C19orf12: variants seen among roughly 807,000 people sequenced by gnomAD.
C19orf12 encodes protein C19orf12.
A neutral mutation model predicts 3.8 loss-of-function variants in C19orf12; 2 were observed. The observed-to-expected ratio is 0.53, with a 90% CI of 0.22 to 1.66. C19orf12 has a LOEUF of 1.66. C19orf12 is among the 40% of genes most tolerant of loss of function. The pLI is 0.20. For synonymous variants in C19orf12, 89 were observed against 84.6 expected (o/e 1.05, Z -0.28); for missense variants, 156 against 188.8 (o/e 0.83, Z 1.02).
At chr19:29,708,575 C>G (rs935327094) in intron 1 of C19orf12, 152 bp from the exon 2 acceptor site, 7 of 940,824 alleles carry the variant, frequency 7.4e-6, no homozygotes, top group Non-Finnish European at 1.2e-5. Context: ...AGCATCCAGA[C>G]GGTGGAAAGT....
Position 29,702,371 on chromosome 19 carries a change from C to A in C19orf12, c.*341G>T, listed in dbSNP as rs528052606. 4.6e-5 allele frequency: 24 copies of A among 519,654 alleles called. No individual in the cohort carries two copies. The highest frequency in any genetic ancestry group is 3.5e-4 in the South Asian group (23 of 65,032). 32.2% of individuals were successfully genotyped at this position (519,654 alleles called of 1,614,324 possible). On this transcript the variant is annotated 3_prime_UTR_variant, in exon 3 of 3. Transcript: ENST00000323670. ...GGAGGATGAAGTGTGGTCAGACCGT[C>A]GGCTGAGCGTGATCACTTCCCCAGA...
intron 2 of C19orf12, chr19:29,705,402 CAAAAAAAA>C (rs34101444): frequency 8.6e-4 from 95 of 110,860 alleles, no homozygotes; most frequent in Middle Eastern, 9.3e-3. Flanking sequence ...ATCCTGAAAC[CAAAAAAAA>C]AAAAAAAAAA....
chr19:29,715,448 G>C, upstream of C19orf12: 1 of 402,388 alleles, frequency 2.5e-6, no homozygotes, highest in Non-Finnish European at 5.0e-6. Context: ...TGCGGGTGGC[G>C]TAAGGAGACG....
chr19:29,710,727 T>G (rs1214511694), intron 1 of C19orf12, among the ~76,000 whole-genome samples: 1 of 152,202 alleles, frequency 6.6e-6, no homozygotes, highest in Non-Finnish European at 1.5e-5. Flanking sequence ...CCCTGTGCCC[T>G]GGGTCTCCCA....
intron 1 of C19orf12, among the ~76,000 whole-genome samples, chr19:29,709,323 A>C (rs1972546846): frequency 1.3e-5 from 2 of 152,174 alleles, no homozygotes; most frequent in African/African-American, 2.4e-5. Flanking sequence ...GGGCAGGGAG[A>C]GACGGGCTCT....
At position 29,715,259 on chromosome 19, in the gene C19orf12, G is replaced by A. The variant is rs750497006; in HGVS notation, c.-145C>T. On this transcript the variant is annotated 5_prime_UTR_variant, in exon 1 of 3. Coordinates refer to ENST00000323670, the MANE Select transcript of C19orf12 (RefSeq NM_031448.6). ...CGCAGGCCTTGGTGGCGGCCCCGGC[G>A]CTGGCCCCGCCCTCCGTCCCACCTT... 2 of 386,988 alleles carry A rather than the reference G, an allele frequency of 5.2e-6. No individual in the cohort carries two copies. The highest frequency in any genetic ancestry group is 3.6e-5 in the Admixed American group (1 of 27,450). 24.0% of individuals were successfully genotyped at this position (386,988 alleles called of 1,614,324 possible).
chr19:29,699,921 GA>G lies in C19orf12; in HGVS notation c.*2790del, dbSNP rs35730141. ...CGCTTGATTTCCTGGGGGAAATCAA[GA>G]AAAGTGCTTTCGGCTCCTGGGGGAG... is the stretch of plus-strand genomic sequence containing the variant. On this transcript the variant is annotated 3_prime_UTR_variant, in exon 3 of 3. Transcript: ENST00000323670. 1 of 453,906 alleles carries G rather than the reference GA, an allele frequency of 2.2e-6. No individual in the cohort carries two copies. 28.1% of individuals were successfully genotyped at this position (453,906 alleles called of 1,614,324 possible).
intron 1 of C19orf12, among the ~76,000 whole-genome samples, chr19:29,709,995 C>CTGAGTAGT (rs1174739640): frequency 6.6e-6 from 1 of 152,120 alleles, no homozygotes. Flanking sequence ...CCTCAGTCTC[C>CTGAGTAGT]TGAGTAGCTG....
rs987797017 is a variant in C19orf12, at chr19:29,700,207, A to C, written c.*2505T>G. 12 of 454,000 alleles carry C rather than the reference A, an allele frequency of 2.6e-5. No individual in the cohort carries two copies. The highest frequency in any genetic ancestry group is 2.4e-4 in the African/African-American group (12 of 50,016). The allele number at this position is 454,000 out of a possible 1,614,324, so 28.1% of individuals were successfully genotyped here. On this transcript the variant is annotated 3_prime_UTR_variant, in exon 3 of 3. Coordinates refer to ENST00000323670, the MANE Select transcript of C19orf12 (RefSeq NM_031448.6). Reference sequence around the variant, plus strand: ...CCTGACACAGACCAGGACCTGATGCACGAGTAAGAATGAATGGGGCCCAAT... The same window carrying C: ...CCTGACACAGACCAGGACCTGATGCCCGAGTAAGAATGAATGGGGCCCAAT...
intron 2 of C19orf12, among the ~76,000 whole-genome samples, chr19:29,703,382 T>TC (rs201237904): frequency 4.3e-4 from 63 of 144,844 alleles, no homozygotes; most frequent in African/African-American, 1.1e-3. Flanking sequence ...TCTTTTCTTT[T>TC]TTTTTTTTTT....
intron 1 of C19orf12, chr19:29,708,778 C>T (rs924027007): frequency 2.2e-5 from 8 of 368,876 alleles, no homozygotes; most frequent in Admixed American, 3.7e-5. Context: ...TGCACTGGCC[C>T]GGGGAATGCC....
chr19:29,707,506 G>T (rs73924079), intron 2 of C19orf12, among the ~76,000 whole-genome samples: 11,342 of 152,244 alleles, frequency 0.074, 674 homozygotes, highest in African/African-American at 0.16. Flanking sequence ...GTGCTGAGAA[G>T]GTGCATGGCT....
intron 2 of C19orf12, among the ~76,000 whole-genome samples, chr19:29,705,886 A>T (rs1972356397): frequency 6.6e-6 from 1 of 152,200 alleles, no homozygotes; most frequent in South Asian, 2.1e-4. Context: ...TGGATGGAAG[A>T]TATACAGGAA....
Position 29,702,183 on chromosome 19 carries a change from C to A in C19orf12, c.*529G>T, listed in dbSNP as rs1475065867. 4.4e-6 allele frequency: 2 copies of A among 454,120 alleles called. No individual in the cohort carries two copies. The highest frequency in any genetic ancestry group is 4.4e-6 in the Non-Finnish European group (1 of 226,790). The allele number at this position is 454,120 out of a possible 1,614,324, so 28.1% of individuals were successfully genotyped here. On this transcript the variant is annotated 3_prime_UTR_variant, in exon 3 of 3. Transcript: ENST00000323670. ...CGCCCGTCCCCTCCGTGGGGCCATT[C>A]GACAGTCCCTGGGTAGGGGACGGTT...
chr19:29,715,300 CT>C, upstream of C19orf12: 1 of 397,804 alleles, frequency 2.5e-6, no homozygotes, highest in Admixed American at 3.0e-5. Flanking sequence ...TGCGCCGGGC[CT>C]TCCGGGAAGC....
chr19:29,705,196 C>T lies in C19orf12; in HGVS notation c.161-2219G>A, dbSNP rs61671270. 579 of 251,710 alleles carry T rather than the reference C, an allele frequency of 2.3e-3. 5 individuals are homozygous for T. The highest frequency in any genetic ancestry group is 0.012 in the African/African-American group (517 of 44,228). The allele number at this position is 251,710 out of a possible 1,614,324, so 15.6% of individuals were successfully genotyped here. A position where few individuals can be genotyped will look rare whatever the true frequency, so the allele number is the denominator to read the frequency against. On this transcript the variant is annotated intron_variant, in intron 2 of 2. Transcript: ENST00000323670. ...AGGGGCATGTCACCTCCCAGGCATGCCTCCCAAAGACTCCTAACTCCAGTC... is the reference window on the plus strand; with the variant it reads ...AGGGGCATGTCACCTCCCAGGCATGTCTCCCAAAGACTCCTAACTCCAGTC...
chr19:29,715,362 G>A (rs1340207665), upstream of C19orf12: 8 of 393,050 alleles, frequency 2.0e-5, no homozygotes, highest in East Asian at 1.3e-4. Flanking sequence ...CTTAGGGGGA[G>A]CCGGGGGTCG....
At chr19:29,709,324 G>C (rs145111436) in intron 1 of C19orf12, among the ~76,000 whole-genome samples, 2 of 152,348 alleles carry the variant, frequency 1.3e-5, no homozygotes, top group African/African-American at 4.8e-5. Context: ...GGCAGGGAGA[G>C]ACGGGCTCTG....
chr19:29,715,377 T>G (rs1010403290), upstream of C19orf12: 3 of 395,076 alleles, frequency 7.6e-6, no homozygotes, highest in South Asian at 3.4e-5. Flanking sequence ...GGGTCGCTGC[T>G]GGGCACCCCC....
Sources: gnomAD v4.1 joint callset for allele counts (sites outside exome capture counted in the v4.1 genomes callset) on GRCh38, gnomAD v4.1.1 for gene constraint, MANE v1.5 for transcripts, NCBI Gene and HGNC (gene_info 2026-07-23, HGNC 2026-07-21) for gene names.